ZNF76: variants seen among roughly 807,000 people sequenced by gnomAD.
ZNF76 encodes zinc finger protein 76.
Under a neutral mutation model 66.9 loss-of-function variants are expected in ZNF76, and 66 were observed. The ratio of observed to expected loss-of-function variants is 0.99; its 90% CI spans 0.81 to 1.21. ZNF76 has a LOEUF of 1.21. Ranked by LOEUF, ZNF76 falls within the 50% of genes most tolerant of loss-of-function variation. The probability of loss-of-function intolerance (pLI) is 0.00; values close to 1 mark genes in which losing one functional copy is unlikely to be tolerated. For synonymous variants in ZNF76, 275 were observed against 296.1 expected, an observed-to-expected ratio of 0.93 and a Z score of 0.73; for missense variants, 729 against 760.3, an observed-to-expected ratio of 0.96 and a Z score of 0.48.
intron 1 of ZNF76, among the ~76,000 whole-genome samples, chr6:35,263,361 C>T (rs891596317): frequency 2.6e-5 from 4 of 152,176 alleles, no homozygotes; most frequent in Non-Finnish European, 4.4e-5. Context: ...CTTTGGGTGT[C>T]AGCTTCTGCA....
Position 35,263,123 on chromosome 6 carries a change from C to T in ZNF76, c.-97+3282C>T, listed in dbSNP as rs535275513. On this transcript the variant is annotated intron_variant, in intron 1 of 13. Transcript: ENST00000373953. Reference sequence around the variant, plus strand: ...TGCTTCCTTCATATGCTGCACTGTTCCACCAAACTTCATCAGTCTCTTCGG... The same window carrying T: ...TGCTTCCTTCATATGCTGCACTGTTTCACCAAACTTCATCAGTCTCTTCGG... Among the ~76,000 whole-genome samples the T allele has an allele frequency of 1.4e-4, 21 of 152,324 alleles. No individual in the cohort carries two copies. The East Asian group carries it at 3.7e-3, about 27-fold the overall frequency.
At position 35,293,170 on chromosome 6, in the gene ZNF76, T is replaced by C. The variant is rs1790684171; in HGVS notation, c.1329+126T>C. ...AGCTTCTTGTTTAAGTTTTATAGAC[T>C]TCAGAGGCTGAGGCTGAGGAGACCA... On this transcript the variant is annotated intron_variant, in intron 11 of 13. Coordinates refer to ENST00000373953, the MANE Select transcript of ZNF76 (RefSeq NM_003427.5). The C allele has an allele frequency of 6.8e-6, 8 of 1,182,214 alleles. No individual in the cohort carries two copies. In the South Asian group the frequency reaches 1.2e-4, roughly 18 times the overall value. The allele number at this position is 1,182,214 out of a possible 1,614,324, so 73.2% of individuals were successfully genotyped here.
intron 1 of ZNF76, among the ~76,000 whole-genome samples, chr6:35,267,591 G>A (rs960048172): frequency 5.9e-5 from 9 of 152,240 alleles, no homozygotes; most frequent in African/African-American, 2.2e-4. Flanking sequence ...AATACCCAGT[G>A]AGTGCCTGCC....
Position 35,291,342 on chromosome 6 carries a change from G to T in ZNF76, c.690G>T (p.Glu230Asp), listed in dbSNP as rs1345425915. The T allele has an allele frequency of 5.6e-6, 9 of 1,614,018 alleles. No individual in the cohort carries two copies. Among genetic ancestry groups the T allele is most frequent in the Non-Finnish European group, 7.6e-6 (9 of 1,179,958 alleles). ...TGEKPYKCPE[E>D]LCSKAFKTSG... is the part of the protein sequence containing the mutation. ...AGAAACCATACAAGTGCCCAGAGGA[G>T]CTGTGCAGCAAGGCCTTCAAGACCT... The change falls in exon 8 of 14, where the codon GAG becomes GAT. Residue 230 changes from glutamate to aspartate, a missense_variant. By Grantham distance (45) the Glu-to-Asp change is conservative. Transcript: ENST00000373953.
Position 35,295,809 on chromosome 6 carries a change from A to AG in ZNF76, c.*562dup, listed in dbSNP as rs920480223. On this transcript the variant is annotated 3_prime_UTR_variant, in exon 14 of 14. Coordinates refer to ENST00000373953, the MANE Select transcript of ZNF76 (RefSeq NM_003427.5). ...AGGTGCCCAGCCCCCACCACTCCTCAGCTGCCCCCCAACCTCTCTATGGCA... is the reference window on the plus strand; with the variant it reads ...AGGTGCCCAGCCCCCACCACTCCTCAGGCTGCCCCCCAACCTCTCTATGGCA... The AG allele has an allele frequency of 5.5e-6, 1 of 180,814 alleles. No individual in the cohort carries two copies. The highest frequency in any genetic ancestry group is 2.3e-5 in the African/African-American group (1 of 42,806). The allele number at this position is 180,814 out of a possible 1,614,324, so 11.2% of individuals were successfully genotyped here.
rs537011002 is a variant in ZNF76 at position 35,295,570 on chromosome 6, T to G, written c.*322T>G. On this transcript the variant is annotated 3_prime_UTR_variant, in exon 14 of 14. Coordinates refer to ENST00000373953, the MANE Select transcript of ZNF76 (RefSeq NM_003427.5). Reference sequence around the variant, plus strand: ...CCTTCTGGCCCTCAGTCTGTTCCCCTTCTCAGGTAGAGATTGGGGCTGCTA... The same window carrying G: ...CCTTCTGGCCCTCAGTCTGTTCCCCGTCTCAGGTAGAGATTGGGGCTGCTA... 1.1e-5 allele frequency: 4 copies of G among 373,818 alleles called. No homozygotes were observed. The highest frequency in any genetic ancestry group is 6.3e-5 in the African/African-American group (3 of 47,674). 23.2% of individuals were successfully genotyped at this position (373,818 alleles called of 1,614,324 possible). A position where few individuals can be genotyped will look rare whatever the true frequency, so the allele number is the denominator to read the frequency against.
At position 35,289,301 on chromosome 6, in the gene ZNF76, C is replaced by T. The variant is rs905843267; in HGVS notation, c.433-965C>T. 5.3e-5 allele frequency among the ~76,000 whole-genome samples: 8 copies of T among 152,240 alleles called. No individual in the cohort carries two copies. In the East Asian group the frequency reaches 7.7e-4, roughly 15 times the overall value. On this transcript the variant is annotated intron_variant, in intron 5 of 13. Coordinates refer to ENST00000373953, the MANE Select transcript of ZNF76 (RefSeq NM_003427.5). Reference sequence around the variant, plus strand: ...ATCCAAGTGCCTGTGTGGGTTAGCCCGCCAAGCAGGTCAGGCCACCTCTGA... The same window carrying T: ...ATCCAAGTGCCTGTGTGGGTTAGCCTGCCAAGCAGGTCAGGCCACCTCTGA...
intron 12 of ZNF76, 182 bp downstream of exon 12, chr6:35,294,097 G>T: frequency 1.4e-6 from 1 of 693,028 alleles, no homozygotes; most frequent in Non-Finnish European, 2.4e-6. Context: ...GCAGTTGAAT[G>T]GAGGTCAAGA....
chr6:35,264,295 G>A (rs1209195285), intron 1 of ZNF76, among the ~76,000 whole-genome samples: 4 of 152,178 alleles, frequency 2.6e-5, no homozygotes, highest in South Asian at 4.1e-4. Context: ...GTCATTGCTC[G>A]GGTGGGGGAA....
chr6:35,286,551 C>T (rs998450436), intron 4 of ZNF76, 152 bp downstream of exon 4: 2 of 718,454 alleles, frequency 2.8e-6, no homozygotes, highest in Non-Finnish European at 4.8e-6. Context: ...GGATTAGCAG[C>T]CTTGCCCACC....
At chr6:35,290,574 A>C in intron 6 of ZNF76, 67 bp from the exon 7 acceptor site, 2 of 1,585,724 alleles carry the variant, frequency 1.3e-6, no homozygotes, top group Non-Finnish European at 1.7e-6. Context: ...TCAGGGTCCT[A>C]AAGAAAACCA....
At chr6:35,269,259 C>T (rs143817858) in intron 1 of ZNF76, among the ~76,000 whole-genome samples, 6,967 of 122,490 alleles carry the variant, frequency 0.057, 553 homozygotes, top group African/African-American at 0.19. Context: ...CCAGCCTGGG[C>T]GACAGAGCGA....
chr6:35,264,411 A>T (rs745401431), intron 1 of ZNF76, among the ~76,000 whole-genome samples: 6 of 152,178 alleles, frequency 3.9e-5, no homozygotes, highest in Non-Finnish European at 8.8e-5. Context: ...TCTTATATAA[A>T]TCTGTTCTCA....
At chr6:35,263,489 A>G (rs1195321657) in intron 1 of ZNF76, among the ~76,000 whole-genome samples, 3 of 152,192 alleles carry the variant, frequency 2.0e-5, no homozygotes, top group South Asian at 2.1e-4. Flanking sequence ...CCAAAAGTCT[A>G]TTCTGTGGGT....
intron 1 of ZNF76, among the ~76,000 whole-genome samples, chr6:35,268,584 G>A (rs1450147495): frequency 2.0e-5 from 3 of 151,918 alleles, no homozygotes; most frequent in Admixed American, 6.6e-5. Context: ...GGCAGATCAC[G>A]AAGTCAGGAA....
chr6:35,280,996 G>A, intron 1 of ZNF76, 60 bp from the exon 2 acceptor site: 5 of 718,908 alleles, frequency 7.0e-6, no homozygotes, highest in East Asian at 5.0e-5. Context: ...CCTTCCCTGA[G>A]TGTCTTTGCG....
chr6:35,294,359 G>C (rs1174229242), intron 12 of ZNF76, 97 bp from the exon 13 acceptor site: 1 of 831,396 alleles, frequency 1.2e-6, no homozygotes, highest in Admixed American at 2.0e-5. Context: ...TCTCTTCTGG[G>C]TTGTTCCCAG....
At chr6:35,290,889 A>G in intron 7 of ZNF76, 173 bp downstream of exon 7, 1 of 657,930 alleles carries the variant, frequency 1.5e-6, no homozygotes, top group Admixed American at 2.8e-5. Flanking sequence ...AGTGCAAGGC[A>G]GCATGGTTCA....
chr6:35,294,789 G>A (rs370639611), intron 13 of ZNF76: 22 of 600,198 alleles, frequency 3.7e-5, no homozygotes, highest in African/African-American at 1.7e-4. Context: ...GGATAACTCC[G>A]ATGGCAGTCC....
Sources: allele counts gnomAD v4.1 joint callset (sites outside exome capture counted in the v4.1 genomes callset), GRCh38; gene constraint gnomAD v4.1.1; transcripts MANE v1.5; gene names NCBI Gene and HGNC (gene_info 2026-07-23, HGNC 2026-07-21).